The following FARP2 variants were observed in gnomAD, a reference collection of about 807,000 sequenced individuals.
The protein encoded by FARP2 is FERM, ARHGEF and pleckstrin domain-containing protein 2.
A neutral mutation model predicts 130.5 loss-of-function variants in FARP2; 111 were observed. The observed-to-expected ratio is 0.85, with a 90% CI of 0.73 to 1.00. The LOEUF is 1.00. FARP2 is among the 50% of genes least tolerant of loss of function. The pLI, the probability that FARP2 is intolerant of heterozygous loss-of-function variation, is 0.00. For missense variants in FARP2, 1,385 were observed against 1,346.3 expected (o/e 1.03, Z -0.45); for synonymous variants, 504 against 516.9 (o/e 0.98, Z 0.34).
At chr2:241,424,890 C>A (rs1469296722) in intron 8 of FARP2, among the ~76,000 whole-genome samples, 1 of 152,074 alleles carries the variant, frequency 6.6e-6, no homozygotes, top group Admixed American at 6.6e-5. Context: ...TCTCCCAAGA[C>A]TGAACCAGAA....
At chr2:241,428,401 ATT>A (rs78380175) in intron 8 of FARP2, among the ~76,000 whole-genome samples, 22 of 142,376 alleles carry the variant, frequency 1.5e-4, no homozygotes, top group Admixed American at 1.4e-4. Flanking sequence ...TGTCCAGCTA[ATT>A]TTTTTTTTTT....
chr2:241,415,136 G>GT (rs1476926783), intron 7 of FARP2, among the ~76,000 whole-genome samples: 1 of 152,228 alleles, frequency 6.6e-6, no homozygotes, highest in African/African-American at 2.4e-5. Context: ...TCTTGTGTGT[G>GT]TAAGTCGGTG....
At chr2:241,361,666 G>A (rs1474734138) in intron 1 of FARP2, among the ~76,000 whole-genome samples, 2 of 152,114 alleles carry the variant, frequency 1.3e-5, no homozygotes, top group Non-Finnish European at 2.9e-5. Context: ...CCAGAAACCT[G>A]AGCCAGACTA....
At chr2:241,358,593 A>G (rs1456943714) in intron 1 of FARP2, among the ~76,000 whole-genome samples, 2 of 151,870 alleles carry the variant, frequency 1.3e-5, no homozygotes, top group Non-Finnish European at 2.9e-5. Flanking sequence ...TTTTGTTCTT[A>G]TTTTTCCTTC....
intron 13 of FARP2, among the ~76,000 whole-genome samples, chr2:241,451,412 A>G (rs1574849759): frequency 6.6e-6 from 1 of 152,264 alleles, no homozygotes; most frequent in African/African-American, 2.4e-5. Context: ...AAACATAACT[A>G]CTGTTTGTAT....
chr2:241,457,910 G>A (rs1023777913), intron 14 of FARP2, among the ~76,000 whole-genome samples: 1 of 152,160 alleles, frequency 6.6e-6, no homozygotes, highest in African/African-American at 2.4e-5. Context: ...GGGGAGGGGG[G>A]CACATGGGCC....
intron 19 of FARP2, among the ~76,000 whole-genome samples, chr2:241,476,235 A>G (rs1347988666): frequency 7.2e-6 from 1 of 139,332 alleles, no homozygotes; most frequent in Non-Finnish European, 1.6e-5. Context: ...AAAAAAAAAA[A>G]GAATTGCTGG....
At chr2:241,449,336 G>A (rs1406463123) in intron 13 of FARP2, among the ~76,000 whole-genome samples, 5 of 151,756 alleles carry the variant, frequency 3.3e-5, no homozygotes, top group African/African-American at 1.2e-4. Flanking sequence ...AAAAAAATAA[G>A]CGTAACAATT....
chr2:241,461,060 G>A (rs1343581026), intron 14 of FARP2, among the ~76,000 whole-genome samples: 1 of 152,184 alleles, frequency 6.6e-6, no homozygotes, highest in Non-Finnish European at 1.5e-5. Context: ...CTTCACAGCA[G>A]TACAAGGAAG....
Position 241,468,054 on chromosome 2 carries a change from G to A in FARP2, c.1894-86G>A, listed in dbSNP as rs986709976. On this transcript the variant is annotated intron_variant, in intron 17 of 26. Transcript: ENST00000264042. ...TTTGCCCTGTGGGGATTTCCAGCCG[G>A]CACCTGCCATCAAGGAAAACAGGCC... 1.9e-5 allele frequency: 18 copies of A among 933,602 alleles called. No homozygotes were observed. The African/African-American group carries it at 2.4e-4, about 13-fold the overall frequency. 57.8% of individuals were successfully genotyped at this position (933,602 alleles called of 1,614,324 possible).
At position 241,456,942 on chromosome 2, in the gene FARP2, G is replaced by A; in HGVS notation, c.1587+20G>A. ...CACAAGGTGGGCCCCTCGAGGCTGA[G>A]AAGCTAGCAGAGGGTTGCAGGGTGG... On this transcript the variant is annotated intron_variant, in intron 14 of 26. Transcript: ENST00000264042. The A allele has an allele frequency of 1.3e-6, 2 of 1,564,838 alleles. No individual in the cohort carries two copies. Among genetic ancestry groups the A allele is most frequent in the Non-Finnish European group, 1.7e-6 (2 of 1,155,832 alleles).
chr2:241,453,767 TGG>T (rs1198803875), intron 13 of FARP2, among the ~76,000 whole-genome samples: 1 of 96,700 alleles, frequency 1.0e-5, no homozygotes, highest in East Asian at 3.1e-4. Context: ...TGGCACTTAC[TGG>T]TTTTTTTTTT....
chr2:241,478,846 C>A (rs2064542421), intron 19 of FARP2: 1 of 387,638 alleles, frequency 2.6e-6, no homozygotes, highest in East Asian at 6.1e-5. Context: ...AACTGGTCAG[C>A]AATGGCTCTT....
intron 1 of FARP2, among the ~76,000 whole-genome samples, chr2:241,363,415 G>A (rs1486282744): frequency 1.3e-5 from 2 of 152,212 alleles, no homozygotes; most frequent in African/African-American, 2.4e-5. Flanking sequence ...ATGGCTAAAC[G>A]GAGTAATTAA....
chr2:241,435,005 G>A lies in FARP2; in HGVS notation c.1075G>A (p.Gly359Arg). The A allele has an allele frequency of 1.3e-6, 2 of 1,594,630 alleles. No homozygotes were observed. The highest frequency in any genetic ancestry group is 1.7e-6 in the Non-Finnish European group (2 of 1,165,900). The change falls in exon 11 of 27, where the codon GGA (glycine) becomes AGA (arginine). Residue 359 changes from glycine (G) to arginine (R), a missense_variant. Coordinates refer to ENST00000264042, the MANE Select transcript of FARP2 (RefSeq NM_014808.4). ...KQLVDYFKDS[G>R]MKRIPYERRH... Reference sequence around the variant, plus strand: ...ACTAGTAGATTATTTCAAAGACAGTGGAATGAAGAGAATTCCATATGAAAG... The same window carrying A: ...ACTAGTAGATTATTTCAAAGACAGTAGAATGAAGAGAATTCCATATGAAAG...
intron 19 of FARP2, among the ~76,000 whole-genome samples, chr2:241,483,081 T>G (rs2064658251): frequency 1.3e-5 from 2 of 152,146 alleles, no homozygotes; most frequent in African/African-American, 4.8e-5. Flanking sequence ...CCTCCCATTC[T>G]CGAACCTGCT....
At chr2:241,396,829 ACTGGGTATATACC>A (rs2062041576) in intron 2 of FARP2, among the ~76,000 whole-genome samples, 1 of 152,162 alleles carries the variant, frequency 6.6e-6, no homozygotes, top group Non-Finnish European at 1.5e-5. Context: ...CCATCCCATT[ACTGGGTATATACC>A]CAAAGGACTA....
intron 21 of FARP2, among the ~76,000 whole-genome samples, chr2:241,485,093 C>T (rs917726487): frequency 6.6e-6 from 1 of 152,084 alleles, no homozygotes; most frequent in African/African-American, 2.4e-5. Context: ...GGTCCTCACT[C>T]CCTCCTTGTG....
chr2:241,476,057 C>A, intron 19 of FARP2, 70 bp downstream of exon 19: 2 of 1,415,610 alleles, frequency 1.4e-6, no homozygotes, highest in Non-Finnish European at 1.9e-6. Flanking sequence ...AATTTACATA[C>A]CACAAAAGTC....
Sources: allele counts gnomAD v4.1 joint callset (sites outside exome capture counted in the v4.1 genomes callset), GRCh38; gene constraint gnomAD v4.1.1; transcripts MANE v1.5; gene names NCBI Gene and HGNC (gene_info 2026-07-23, HGNC 2026-07-21).